Variants in PANK4 observed in about 807,000 individuals in gnomAD.
The protein encoded by PANK4 is pantothenate kinase 4 (inactive).
In PANK4, 40 loss-of-function variants were observed where a neutral mutation model predicts 87.9. The observed-to-expected ratio is 0.46, with a 90% CI of 0.35 to 0.59. The LOEUF is 0.59. PANK4 is among the 20% of genes least tolerant of loss of function. The probability of loss-of-function intolerance (pLI) is 0.00; values close to 1 mark genes in which losing one functional copy is unlikely to be tolerated. For synonymous variants in PANK4, 524 were observed against 467.4 expected, an observed-to-expected ratio of 1.12 and a Z score of -1.56; for missense variants, 926 against 1,072.3, an observed-to-expected ratio of 0.86 and a Z score of 1.90.
At position 2,509,985 on chromosome 1, in the gene PANK4, C is replaced by T; in HGVS notation, c.2040-55G>A. ...AGGAGCTCCCAGTTCAGTGACAATC[C>T]CCATGGCCCACTCTGCCCAGCTGGT... On this transcript the variant is annotated intron_variant, in intron 17 of 18. Coordinates refer to ENST00000378466, the MANE Select transcript of PANK4 (RefSeq NM_018216.4). The surrounding 1 kb of genome is among the most constrained non-coding windows in gnomAD (Gnocchi z 4.9). 1 of 1,583,598 alleles carries T rather than the reference C, an allele frequency of 6.3e-7. No individual in the cohort carries two copies. Among genetic ancestry groups the T allele is most frequent in the South Asian group, 1.1e-5 (1 of 88,546 alleles).
intron 1 of PANK4, among the ~76,000 whole-genome samples, chr1:2,523,907 G>T (rs1204114342): frequency 6.6e-6 from 1 of 152,258 alleles, no homozygotes; most frequent in Non-Finnish European, 1.5e-5. Context: ...AACAGCTGGT[G>T]GGGGAAGGGG....
chr1:2,517,452 A>G (rs1459212724), intron 9 of PANK4, among the ~76,000 whole-genome samples: 2 of 152,374 alleles, frequency 1.3e-5, no homozygotes, highest in Admixed American at 6.5e-5. Context: ...GCGTGACCTC[A>G]GGTTAACTGC....
intron 13 of PANK4, chr1:2,512,536 T>C: frequency 3.8e-6 from 1 of 265,170 alleles, no homozygotes; most frequent in South Asian, 7.9e-5. Flanking sequence ...CACCCTTTGA[T>C]CATCACATCA....
At position 2,509,824 on chromosome 1, in the gene PANK4, C is replaced by A. The variant is rs1156543353; in HGVS notation, c.2108+38G>T. 2 of 1,583,346 alleles carry A rather than the reference C, an allele frequency of 1.3e-6. No homozygotes were observed. Among genetic ancestry groups the A allele is most frequent in the African/African-American group, 2.7e-5 (2 of 74,238 alleles). On this transcript the variant is annotated intron_variant, in intron 18 of 18. Transcript: ENST00000378466. The surrounding 1 kb of genome is among the most constrained non-coding windows in gnomAD (Gnocchi z 4.9). ...GGTGCACGGCACAGAGGGCACAGAG[C>A]CCAGGAGGGAGAGAACAGGTGCAGG...
rs1047263720 is a variant in PANK4, at chr1:2,519,382, A to C, written c.854-58T>G. The C allele has an allele frequency of 2.2e-5, 20 of 918,824 alleles. No homozygotes were observed. The highest frequency in any genetic ancestry group is 2.5e-5 in the Non-Finnish European group (17 of 678,296). 56.9% of individuals were successfully genotyped at this position (918,824 alleles called of 1,614,324 possible). A position where few individuals can be genotyped will look rare whatever the true frequency, so the allele number is the denominator to read the frequency against. On this transcript the variant is annotated intron_variant, in intron 6 of 18. Transcript: ENST00000378466. The surrounding 1 kb of genome is among the most constrained non-coding windows in gnomAD (Gnocchi z 8.3). The stretch of plus-strand genomic sequence containing the variant: ...AAGTACAGCAAGTGCACGACATGAG[A>C]GCGAGCAGGAGGGGAGGGGGAGAGA...
chr1:2,511,393 A>G lies in PANK4; in HGVS notation c.1784-6T>C. 1 of 1,606,034 alleles carries G rather than the reference A, an allele frequency of 6.2e-7. No individual in the cohort carries two copies. ...ATCCACGAGCCAGGGTCTTTCTGAGACAGAGAGAGGGACACATGATTAGCC... is the reference window on the plus strand; with the variant it reads ...ATCCACGAGCCAGGGTCTTTCTGAGGCAGAGAGAGGGACACATGATTAGCC... On this transcript the variant is annotated splice_region_variant and splice_polypyrimidine_tract_variant and intron_variant, in intron 14 of 18. Coordinates refer to ENST00000378466, the MANE Select transcript of PANK4 (RefSeq NM_018216.4).
intron 11 of PANK4, 33 bp from the exon 12 acceptor site, chr1:2,514,122 G>C: frequency 6.4e-7 from 1 of 1,560,034 alleles, no homozygotes; most frequent in South Asian, 1.1e-5. Context: ...GCGCTGAGCA[G>C]GGCAGGCCGA....
intron 14 of PANK4, 48 bp downstream of exon 14, chr1:2,511,580 C>G: frequency 7.4e-7 from 1 of 1,349,634 alleles, no homozygotes; most frequent in Non-Finnish European, 1.1e-6. Context: ...AACGTCCAGG[C>G]ATGGCCCCAG....
rs1044819248 is a variant in PANK4, at chr1:2,515,468, T to C, written c.1374+94A>G. ...GGGGTTTCTGGACAACACTGGCCTGTCCCCCTTCGCCACCTTGGCTTTGCC... is the reference window on the plus strand; with the variant it reads ...GGGGTTTCTGGACAACACTGGCCTGCCCCCCTTCGCCACCTTGGCTTTGCC... On this transcript the variant is annotated intron_variant, in intron 10 of 18. Coordinates refer to ENST00000378466, the MANE Select transcript of PANK4 (RefSeq NM_018216.4). This position sits in a 1 kb window ranked among gnomAD's most constrained non-coding sequence, Gnocchi z 5.0. 3.0e-6 allele frequency: 4 copies of C among 1,353,614 alleles called. No homozygotes were observed. The highest frequency in any genetic ancestry group is 1.7e-5 in the Admixed American group (1 of 59,254). 83.9% of individuals were successfully genotyped at this position (1,353,614 alleles called of 1,614,324 possible). A position where few individuals can be genotyped will look rare whatever the true frequency, so the allele number is the denominator to read the frequency against.
Position 2,508,805 on chromosome 1 carries a change from C to A in PANK4, c.*42G>T. The A allele has an allele frequency of 8.2e-7, 1 of 1,226,064 alleles. No homozygotes were observed. 75.9% of individuals were successfully genotyped at this position (1,226,064 alleles called of 1,614,324 possible). Reference sequence around the variant, plus strand: ...TTCCCTGTGGTGGTAAAAACACATTCCTGACAAGTGACAAGCAGAAGAGTC... The same window carrying A: ...TTCCCTGTGGTGGTAAAAACACATTACTGACAAGTGACAAGCAGAAGAGTC... On this transcript the variant is annotated 3_prime_UTR_variant, in exon 19 of 19. Transcript: ENST00000378466. The surrounding 1 kb of genome is among the most constrained non-coding windows in gnomAD (Gnocchi z 5.1).
rs1570531068 is a variant in PANK4, at chr1:2,510,534, G to C, written c.1938+144C>G. The C allele has an allele frequency of 7.6e-6, 5 of 658,386 alleles. No individual in the cohort carries two copies. The highest frequency in any genetic ancestry group is 1.4e-5 in the Non-Finnish European group (5 of 368,992). The allele number at this position is 658,386 out of a possible 1,614,324, so 40.8% of individuals were successfully genotyped here. A position where few individuals can be genotyped will look rare whatever the true frequency, so the allele number is the denominator to read the frequency against. On this transcript the variant is annotated intron_variant, in intron 16 of 18. Coordinates refer to ENST00000378466, the MANE Select transcript of PANK4 (RefSeq NM_018216.4). This position sits in a 1 kb window ranked among gnomAD's most constrained non-coding sequence, Gnocchi z 4.9. The stretch of plus-strand genomic sequence containing the variant: ...TCCACCCCAGCAGATGACGGCTCTG[G>C]GCCGCCTCCCCCGTGCTGCTGCCTG...
intron 7 of PANK4, 63 bp from the exon 8 acceptor site, chr1:2,518,660 C>G (rs1430880795): frequency 5.1e-6 from 7 of 1,384,744 alleles, no homozygotes; most frequent in Non-Finnish European, 7.0e-6. Context: ...CCTCCGCAAA[C>G]CAGCTCAACG....
Position 2,520,751 on chromosome 1 carries a change from T to A in PANK4, c.578A>T (p.Asn193Ile). The change falls in exon 4 of 19, where the codon AAT becomes ATT. Residue 193 changes from asparagine to isoleucine, a missense_variant. By Grantham distance (149) the Asn-to-Ile change is moderately radical (BLOSUM62 -3). Coordinates refer to ENST00000378466, the MANE Select transcript of PANK4 (RefSeq NM_018216.4). This position sits in a 1 kb window ranked among gnomAD's most constrained non-coding sequence, Gnocchi z 6.2. ...HPHIFPYLLVNIGSGVSIVKV... is the reference protein window; with the variant it reads ...HPHIFPYLLVIIGSGVSIVKV... ...CACGATGGAGACTCCAGAGCCGATA[T>A]TGACAAGAAGATAGGGGAAAATGTG... The A allele has an allele frequency of 6.2e-7, 1 of 1,613,514 alleles. No individual in the cohort carries two copies. The highest frequency in any genetic ancestry group is 8.5e-7 in the Non-Finnish European group (1 of 1,179,886).
At chr1:2,514,670 G>A (rs1488486617) in intron 10 of PANK4, among the ~76,000 whole-genome samples, 2 of 140,558 alleles carry the variant, frequency 1.4e-5, no homozygotes, top group Non-Finnish European at 3.1e-5. Context: ...GCTAGCTATG[G>A]GGGGCTTCCC....
chr1:2,522,815 T>TATAGTGACTTAAC (rs1557449246), intron 1 of PANK4, among the ~76,000 whole-genome samples: 2 of 2,588 alleles, frequency 7.7e-4, no homozygotes. Flanking sequence ...CGGAGGGCAC[T>TATAGTGACTTAAC]GGATGGTGCT....
At position 2,515,917 on chromosome 1, in the gene PANK4, G is replaced by C; in HGVS notation, c.1219-200C>G. 1 of 610,004 alleles carries C rather than the reference G, an allele frequency of 1.6e-6. No homozygotes were observed. The highest frequency in any genetic ancestry group is 2.9e-6 in the Non-Finnish European group (1 of 346,042). The allele number at this position is 610,004 out of a possible 1,614,324, so 37.8% of individuals were successfully genotyped here. On this transcript the variant is annotated intron_variant, in intron 9 of 18. Transcript: ENST00000378466. The surrounding 1 kb of genome is among the most constrained non-coding windows in gnomAD (Gnocchi z 5.0). ...GCCGGATACCTTGACTTACCCCCTG[G>C]TTTGACACTGGGGTTGCGTCTGCTC...
At chr1:2,516,804 G>T (rs1643789492) in intron 9 of PANK4, among the ~76,000 whole-genome samples, 6 of 152,260 alleles carry the variant, frequency 3.9e-5, no homozygotes. Context: ...GGATCGCCTG[G>T]TGCTGCCTTG....
At chr1:2,512,254 G>A (rs948063554) in intron 13 of PANK4, among the ~76,000 whole-genome samples, 3 of 152,170 alleles carry the variant, frequency 2.0e-5, no homozygotes, top group Non-Finnish European at 2.9e-5. Context: ...GGTTGGAGGC[G>A]GCGTTCTCAT....
rs551980029 is a variant in PANK4, at chr1:2,520,289, A to G, written c.699+33T>C. 1 of 1,588,968 alleles carries G rather than the reference A, an allele frequency of 6.3e-7. No individual in the cohort carries two copies. Among genetic ancestry groups the G allele is most frequent in the Admixed American group, 1.7e-5 (1 of 59,960 alleles). On this transcript the variant is annotated intron_variant, in intron 5 of 18. Transcript: ENST00000378466. This position sits in a 1 kb window ranked among gnomAD's most constrained non-coding sequence, Gnocchi z 6.2. ...GGGAAGGAAGCAGACATCTCCGCAGACCCCTGGAAGGTCTCTGGCAGCTGC... is the reference window on the plus strand; with the variant it reads ...GGGAAGGAAGCAGACATCTCCGCAGGCCCCTGGAAGGTCTCTGGCAGCTGC...
Sources: gnomAD v4.1 joint callset for allele counts (sites outside exome capture counted in the v4.1 genomes callset) on GRCh38, gnomAD v4.1.1 for gene constraint, Gnocchi (gnomAD v3.1) non-coding constraint, MANE v1.5 for transcripts, NCBI Gene and HGNC (gene_info 2026-07-23, HGNC 2026-07-21) for gene names.